The following CLASP1 variants were observed in gnomAD, a reference collection of about 807,000 sequenced individuals.
The protein encoded by CLASP1 is CLIP-associating protein 1.
A neutral mutation model predicts 192.3 loss-of-function variants in CLASP1; 38 were observed. That is an observed-to-expected ratio of 0.20 (90% CI 0.15 to 0.26). The LOEUF is 0.26. CLASP1 is among the 10% of genes least tolerant of loss of function. The probability of loss-of-function intolerance (pLI) is 1.00; values close to 1 mark genes in which losing one functional copy is unlikely to be tolerated. For synonymous variants in CLASP1, 691 were observed against 712.8 expected, an observed-to-expected ratio of 0.97 and a Z score of 0.49; for missense variants, 1,433 against 1,932.5, an observed-to-expected ratio of 0.74 and a Z score of 4.85.
intron 8 of CLASP1, among the ~76,000 whole-genome samples, chr2:121,502,429 G>A (rs2093784910): frequency 6.6e-6 from 1 of 152,176 alleles, no homozygotes; most frequent in African/African-American, 2.4e-5. Context: ...CCTCAGTAAT[G>A]CAGTGATACT....
At chr2:121,402,411 A>G (rs1192227155) in intron 26 of CLASP1, among the ~76,000 whole-genome samples, 4 of 152,206 alleles carry the variant, frequency 2.6e-5, no homozygotes, top group Non-Finnish European at 5.9e-5. Context: ...CTACCTTGTT[A>G]ATGAAACTTG....
intron 19 of CLASP1, 143 bp from the exon 20 acceptor site, chr2:121,430,320 C>A: frequency 1.6e-6 from 1 of 626,238 alleles, no homozygotes; most frequent in East Asian, 2.7e-5. Flanking sequence ...ATCCTCCACA[C>A]GAGGTCTGCC....
At chr2:121,434,402 C>T (rs1385786183) in intron 19 of CLASP1, among the ~76,000 whole-genome samples, 1 of 151,976 alleles carries the variant, frequency 6.6e-6, no homozygotes. Context: ...GCAGCTGGGA[C>T]TACAGGTGTA....
At chr2:121,340,597 G>A (rs983778596) in exon 40 of CLASP1, 2 of 376,184 alleles carry the variant, frequency 5.3e-6, no homozygotes, top group African/African-American at 4.2e-5. Context: ...ATCTCAGCAG[G>A]CTGTACAAGA....
intron 2 of CLASP1, among the ~76,000 whole-genome samples, chr2:121,593,014 G>C (rs1412712736): frequency 6.6e-6 from 1 of 152,062 alleles, no homozygotes; most frequent in Non-Finnish European, 1.5e-5. Context: ...ATGAGTAATA[G>C]GATATTTATA....
intron 8 of CLASP1, among the ~76,000 whole-genome samples, chr2:121,476,887 C>T (rs940619491): frequency 2.6e-5 from 4 of 152,202 alleles, no homozygotes; most frequent in African/African-American, 9.7e-5. Context: ...AGCCCAAAGG[C>T]GGCTGCTTTT....
At chr2:121,481,554 T>C (rs1324748209) in intron 8 of CLASP1, among the ~76,000 whole-genome samples, 3 of 152,228 alleles carry the variant, frequency 2.0e-5, no homozygotes, top group Non-Finnish European at 2.9e-5. Context: ...AGGAATATGC[T>C]TTCATCAAGT....
At chr2:121,365,801 G>A (rs767775327) in intron 35 of CLASP1, among the ~76,000 whole-genome samples, 3 of 152,160 alleles carry the variant, frequency 2.0e-5, no homozygotes, top group Non-Finnish European at 4.4e-5. Context: ...CCAGCATGGT[G>A]AACAAATACC....
chr2:121,596,111 T>G (rs911338778), intron 2 of CLASP1, among the ~76,000 whole-genome samples: 3 of 152,206 alleles, frequency 2.0e-5, no homozygotes, highest in African/African-American at 7.2e-5. Flanking sequence ...TAAACACATT[T>G]AGGAAGAAAT....
Position 121,579,631 on chromosome 2 carries a change from C to T in CLASP1, c.195+26070G>A, listed in dbSNP as rs2060917995. On this transcript the variant is annotated intron_variant, in intron 2 of 39. Transcript: ENST00000263710. ...TATGAGGTTTGTAATATACAAAGAA[C>T]ATGCTTTAACTCCACATGTACCATT... Among the ~76,000 whole-genome samples the T allele has an allele frequency of 3.3e-5, 5 of 152,100 alleles. No homozygotes were observed. In the South Asian group the frequency reaches 1.0e-3, roughly 32 times the overall value.
chr2:121,449,975 T>C (rs1190615809), intron 16 of CLASP1, among the ~76,000 whole-genome samples: 1 of 152,174 alleles, frequency 6.6e-6, no homozygotes, highest in East Asian at 1.9e-4. Context: ...TAGTTATCAA[T>C]GCACTGCCCA....
intron 9 of CLASP1, among the ~76,000 whole-genome samples, chr2:121,468,161 GTAC>G (rs1346842574): frequency 6.6e-6 from 1 of 152,118 alleles, no homozygotes; most frequent in African/African-American, 2.4e-5. Flanking sequence ...GTCTGTTCTT[GTAC>G]TACTACCACA....
At chr2:121,599,587 CAAAAAAAAAAAAAA>C (rs763909303) in intron 2 of CLASP1, among the ~76,000 whole-genome samples, 3 of 41,200 alleles carry the variant, frequency 7.3e-5, no homozygotes, top group African/African-American at 2.8e-4. Flanking sequence ...GACTCCATCT[CAAAAAAAAAAAAAA>C]AAAAAAAAAA....
rs995331353 is a variant in CLASP1 at position 121,365,275 on chromosome 2, T to C, written c.3896A>G (p.Asp1299Gly). The C allele has an allele frequency of 7.4e-6, 12 of 1,612,406 alleles. No homozygotes were observed. The African/African-American group carries it at 1.6e-4, about 22-fold the overall frequency. The change falls in exon 36 of 40, where the codon GAC becomes GGC. Residue 1299 changes from aspartate to glycine, a missense_variant. Around this residue, in one of 8 missense-constraint regions of CLASP1, gnomAD observed 336 missense variants for 358.0 expected, o/e 0.94. Coordinates refer to ENST00000263710, the Ensembl canonical transcript of CLASP1. ...AAGGTCAGCCACCAGGTCAGAATGGTCGATGGGCACTGGTGAAACACACCA... is the reference window on the plus strand; with the variant it reads ...AAGGTCAGCCACCAGGTCAGAATGGCCGATGGGCACTGGTGAAACACACCA...
At chr2:121,516,620 T>C (rs956068616) in intron 6 of CLASP1, among the ~76,000 whole-genome samples, 1 of 152,264 alleles carries the variant, frequency 6.6e-6, no homozygotes, top group Non-Finnish European at 1.5e-5. Context: ...GACTGTATAT[T>C]ACACATCACT....
At chr2:121,504,647 G>A (rs1213332703) in intron 7 of CLASP1, among the ~76,000 whole-genome samples, 1 of 152,158 alleles carries the variant, frequency 6.6e-6, no homozygotes, top group African/African-American at 2.4e-5. Flanking sequence ...CCAACACCGA[G>A]CTAGTGAGTT....
chr2:121,363,488 TCCATGA>T (rs2066794450), intron 36 of CLASP1, among the ~76,000 whole-genome samples, 188 bp from the exon 38 acceptor site: 1 of 152,062 alleles, frequency 6.6e-6, no homozygotes, highest in Admixed American at 6.5e-5. Flanking sequence ...AGACATCAGC[TCCATGA>T]AGGCAGGCAC....
At chr2:121,375,517 C>T (rs1357710268) in intron 34 of CLASP1, among the ~76,000 whole-genome samples, 2 of 151,980 alleles carry the variant, frequency 1.3e-5, no homozygotes, top group Non-Finnish European at 2.9e-5. Flanking sequence ...GTGTGCACCA[C>T]CAAGCCCAGC....
rs571903715 is a variant in CLASP1, at chr2:121,366,287, G to A, written c.3887-1003C>T. Among the ~76,000 whole-genome samples, 11 of 152,322 alleles carry A rather than the reference G, an allele frequency of 7.2e-5. 1 individual carries two copies. In the East Asian group the frequency reaches 2.1e-3, roughly 29 times the overall value. ...AGTCCACTTCTCCCAGGAAGTGCCA[G>A]TCCTTACAAACACTATACCCTAATA... On this transcript the variant is annotated intron_variant, in intron 35 of 39. Transcript: ENST00000263710.
Sources: allele counts gnomAD v4.1 joint callset (sites outside exome capture counted in the v4.1 genomes callset), GRCh38; gene constraint gnomAD v4.1.1; regional missense constraint gnomAD v4.1.1; transcripts MANE v1.5; gene names NCBI Gene and HGNC (gene_info 2026-07-23, HGNC 2026-07-21).